The following ERBB4 variants were observed in gnomAD, a reference collection of about 807,000 sequenced individuals.
ERBB4 encodes the protein erb-b2 receptor tyrosine kinase 4, also known as receptor tyrosine-protein kinase erbB-4.
ERBB4 carries 42 observed loss-of-function variants against 158.0 expected under a neutral mutation model. The observed-to-expected ratio is 0.27, with a 90% CI of 0.21 to 0.34. ERBB4 has a LOEUF of 0.34. Among genes scored for constraint, ERBB4 ranks in the 10% least tolerant of loss-of-function variants. ERBB4 has a pLI of 1.00. For synonymous variants in ERBB4, 583 were observed against 558.7 expected, an observed-to-expected ratio of 1.04 and a Z score of -0.61; for missense variants, 1,333 against 1,624.1, an observed-to-expected ratio of 0.82 and a Z score of 3.08.
At chr2:212,257,627 C>T (rs948188996) in intron 1 of ERBB4, among the ~76,000 whole-genome samples, 17 of 152,086 alleles carry the variant, frequency 1.1e-4, no homozygotes, top group African/African-American at 3.4e-4. Context: ...ACTTTAACCA[C>T]CCTGCTCAAT....
At chr2:211,716,326 C>T (rs1372322564) in intron 7 of ERBB4, among the ~76,000 whole-genome samples, 4 of 125,424 alleles carry the variant, frequency 3.2e-5, no homozygotes, top group Non-Finnish European at 6.3e-5. Context: ...TGTGCCATTG[C>T]ACTCCAGCCT....
intron 1 of ERBB4, among the ~76,000 whole-genome samples, chr2:212,311,534 T>G (rs775980283): frequency 6.6e-6 from 1 of 150,958 alleles, no homozygotes; most frequent in Non-Finnish European, 1.5e-5. Flanking sequence ...TGATCATTTT[T>G]AATACCAGTT....
chr2:211,465,983 T>G (rs1219997569), intron 20 of ERBB4, among the ~76,000 whole-genome samples: 1 of 152,146 alleles, frequency 6.6e-6, no homozygotes, highest in African/African-American at 2.4e-5. Flanking sequence ...CAGACCCTTT[T>G]TGCTGTCATT....
intron 20 of ERBB4, among the ~76,000 whole-genome samples, chr2:211,552,894 G>A (rs1045507869): frequency 6.6e-6 from 1 of 152,006 alleles, no homozygotes. Flanking sequence ...GTAATAGATT[G>A]TCTTAAGAAT....
chr2:212,391,939 C>T (rs182635481), intron 1 of ERBB4, among the ~76,000 whole-genome samples: 7 of 150,674 alleles, frequency 4.6e-5, no homozygotes, highest in Non-Finnish European at 8.9e-5. Flanking sequence ...ATAAGCAATG[C>T]GAAATTTTTA....
chr2:212,355,398 T>A (rs936237624), intron 1 of ERBB4, among the ~76,000 whole-genome samples: 1 of 152,012 alleles, frequency 6.6e-6, no homozygotes, highest in South Asian at 2.1e-4. Context: ...ACTATGAAGT[T>A]TGCTCCCTTT....
At chr2:211,561,305 T>C (rs2067384912) in intron 20 of ERBB4, among the ~76,000 whole-genome samples, 1 of 152,152 alleles carries the variant, frequency 6.6e-6, no homozygotes, top group African/African-American at 2.4e-5. Flanking sequence ...TATTCCCCAA[T>C]TCACAGTCCC....
At chr2:212,533,809 G>T (rs1047841279) in intron 1 of ERBB4, among the ~76,000 whole-genome samples, 1 of 152,108 alleles carries the variant, frequency 6.6e-6, no homozygotes, top group Non-Finnish European at 1.5e-5. Flanking sequence ...TTGTTAATAT[G>T]ATTAAATTCT....
chr2:211,698,875 G>A (rs564724974), intron 12 of ERBB4, among the ~76,000 whole-genome samples: 1 of 152,208 alleles, frequency 6.6e-6, no homozygotes, highest in Non-Finnish European at 1.5e-5. Flanking sequence ...TCATAACCAC[G>A]TAAATGATAG....
rs1393361188 is a variant in ERBB4, at chr2:212,311,106, T to C, written c.83-186203A>G. Among the ~76,000 whole-genome samples, 3 of 150,792 alleles carry C rather than the reference T, an allele frequency of 2.0e-5. No individual in the cohort carries two copies. The East Asian group carries it at 5.9e-4, about 30-fold the overall frequency. Reference sequence around the variant, plus strand: ...GACTAGGACTTTGTTTACCTATTTCTAATGACTAGGACATTACTTGATACA... The same window carrying C: ...GACTAGGACTTTGTTTACCTATTTCCAATGACTAGGACATTACTTGATACA... On this transcript the variant is annotated intron_variant, in intron 1 of 27. Coordinates refer to ENST00000342788, the MANE Select transcript of ERBB4 (RefSeq NM_005235.3).
At chr2:212,488,395 C>T in intron 1 of ERBB4, among the ~76,000 whole-genome samples, 1 of 151,882 alleles carries the variant, frequency 6.6e-6, no homozygotes, top group East Asian at 1.9e-4. Flanking sequence ...TTATAGTCAT[C>T]CCTCTAGTTT....
intron 9 of ERBB4, among the ~76,000 whole-genome samples, chr2:211,709,252 C>CATATATATATAT (rs1373993593): frequency 1.4e-5 from 1 of 70,310 alleles, no homozygotes; most frequent in African/African-American, 6.1e-5. Context: ...TATATATATA[C>CATATATATATAT]ACATATATAT....
chr2:211,650,970 G>C (rs2070960731), intron 16 of ERBB4, among the ~76,000 whole-genome samples: 1 of 152,124 alleles, frequency 6.6e-6, no homozygotes, highest in Non-Finnish European at 1.5e-5. Flanking sequence ...TACCATATTG[G>C]ACAGTGCAGG....
At chr2:212,335,720 C>G (rs372098605) in intron 1 of ERBB4, among the ~76,000 whole-genome samples, 1 of 151,870 alleles carries the variant, frequency 6.6e-6, no homozygotes, top group Non-Finnish European at 1.5e-5. Context: ...TAATTTAAAA[C>G]GTAAAGAACG....
At chr2:212,095,670 C>A (rs1457780298) in intron 2 of ERBB4, among the ~76,000 whole-genome samples, 1 of 152,140 alleles carries the variant, frequency 6.6e-6, no homozygotes, top group Non-Finnish European at 1.5e-5. Context: ...CGGTGGCTCA[C>A]GCCTATAATC....
At chr2:212,101,084 G>A (rs142249360) in intron 2 of ERBB4, among the ~76,000 whole-genome samples, 2 of 151,864 alleles carry the variant, frequency 1.3e-5, no homozygotes, top group East Asian at 1.9e-4. Flanking sequence ...CTTGATAGAC[G>A]AGTCTATCAG....
intron 20 of ERBB4, among the ~76,000 whole-genome samples, chr2:211,537,540 A>G (rs1053694358): frequency 3.3e-5 from 5 of 151,966 alleles, no homozygotes; most frequent in Non-Finnish European, 7.4e-5. Flanking sequence ...CTTTTCTTCA[A>G]AAGGAAAGCT....
At chr2:212,224,473 C>T (rs891896699) in intron 1 of ERBB4, among the ~76,000 whole-genome samples, 3 of 151,734 alleles carry the variant, frequency 2.0e-5, no homozygotes, top group African/African-American at 7.3e-5. Flanking sequence ...AAAAATGAAA[C>T]CCAATTAACT....
At chr2:211,675,810 A>ATATATATATATATAT (rs61556310) in intron 13 of ERBB4, among the ~76,000 whole-genome samples, 7 of 143,522 alleles carry the variant, frequency 4.9e-5, no homozygotes, top group Non-Finnish European at 9.3e-5. Context: ...ATATATATAT[A>ATATATATATATATAT]ACAAATAGGC....
Sources: allele counts gnomAD v4.1 joint callset (sites outside exome capture counted in the v4.1 genomes callset), GRCh38; gene constraint gnomAD v4.1.1; transcripts MANE v1.5; gene names NCBI Gene and HGNC (gene_info 2026-07-23, HGNC 2026-07-21).